The following EYS variants were observed in gnomAD, a reference collection of about 807,000 sequenced individuals.
EYS encodes protein eyes shut homolog.
Under a neutral mutation model 282.1 loss-of-function variants are expected in EYS, and 250 were observed. That is an observed-to-expected ratio of 0.89 (90% CI 0.80 to 0.98). The LOEUF (loss-of-function observed/expected upper bound fraction) is 0.98. Ranked by LOEUF, EYS falls within the 50% of genes least tolerant of loss-of-function variation. EYS has a pLI of 0.00. For synonymous variants in EYS, 1,355 were observed against 1,282.9 expected, an observed-to-expected ratio of 1.06 and a Z score of -1.20; for missense variants, 4,016 against 3,709.0, an observed-to-expected ratio of 1.08 and a Z score of -2.15.
chr6:64,180,806 TA>T (rs2150311506), intron 31 of EYS, among the ~76,000 whole-genome samples: 1 of 152,310 alleles, frequency 6.6e-6, no homozygotes, highest in Admixed American at 6.5e-5. Flanking sequence ...CTTTTGCTTT[TA>T]TTTCAAGATT....
intron 26 of EYS, among the ~76,000 whole-genome samples, chr6:64,498,798 A>G (rs1237401337): frequency 6.6e-6 from 1 of 152,144 alleles, no homozygotes; most frequent in East Asian, 1.9e-4. Flanking sequence ...ACATAAACTC[A>G]TCCTTTTTTA....
intron 36 of EYS, among the ~76,000 whole-genome samples, chr6:63,852,828 A>G (rs1352380812): frequency 6.6e-6 from 1 of 152,206 alleles, no homozygotes; most frequent in Non-Finnish European, 1.5e-5. Flanking sequence ...GTGGTTCTAC[A>G]TATGCAAATC....
At chr6:64,808,369 T>C (rs1764500034) in intron 22 of EYS, among the ~76,000 whole-genome samples, 1 of 152,142 alleles carries the variant, frequency 6.6e-6, no homozygotes, top group Non-Finnish European at 1.5e-5. Flanking sequence ...TTTATAGTTA[T>C]ATAACAGCAA....
At chr6:65,684,189 G>A (rs759810701) in intron 1 of EYS, among the ~76,000 whole-genome samples, 21 of 151,974 alleles carry the variant, frequency 1.4e-4, no homozygotes, top group Non-Finnish European at 2.8e-4. Flanking sequence ...AACCAGGATT[G>A]AAAACAATAG....
At chr6:65,612,775 A>G (rs993429767) in intron 2 of EYS, among the ~76,000 whole-genome samples, 1 of 151,364 alleles carries the variant, frequency 6.6e-6, no homozygotes, top group Non-Finnish European at 1.5e-5. Flanking sequence ...ATAACTTAAA[A>G]AAGCAAGTGA....
At chr6:64,448,444 A>G (rs1775196731) in intron 26 of EYS, among the ~76,000 whole-genome samples, 1 of 152,204 alleles carries the variant, frequency 6.6e-6, no homozygotes. Context: ...GGCACAGACA[A>G]ACAAAAGACA....
chr6:65,523,406 G>A (rs1020743682), intron 2 of EYS, among the ~76,000 whole-genome samples: 3 of 152,176 alleles, frequency 2.0e-5, no homozygotes, highest in Admixed American at 6.5e-5. Context: ...AGGACATTAT[G>A]CTAAGTGAAA....
intron 12 of EYS, among the ~76,000 whole-genome samples, chr6:65,185,037 G>GA (rs200241313): frequency 0.08 from 11,531 of 144,334 alleles, 515 homozygotes; most frequent in African/African-American, 0.12. Context: ...AAAAAAGAAA[G>GA]AAAAAAAAAA....
chr6:63,875,592 G>T (rs748578179), intron 35 of EYS, among the ~76,000 whole-genome samples: 1 of 152,072 alleles, frequency 6.6e-6, no homozygotes, highest in South Asian at 2.1e-4. Context: ...TTGTGATTCC[G>T]TCTGGTCCTG....
chr6:65,472,885 T>C (rs1374013704), intron 5 of EYS, among the ~76,000 whole-genome samples: 1 of 151,996 alleles, frequency 6.6e-6, no homozygotes, highest in East Asian at 1.9e-4. Context: ...TATGCTCTTA[T>C]TTGGTATATC....
At chr6:63,941,032 T>C (rs9359683) in intron 35 of EYS, among the ~76,000 whole-genome samples, 47,981 of 151,902 alleles carry the variant, frequency 0.32, 7,645 homozygotes, top group Admixed American at 0.39. Flanking sequence ...TTTATGGCTG[T>C]ATAGTATTCC....
chr6:64,718,288 G>A (rs1030740131), intron 22 of EYS, among the ~76,000 whole-genome samples: 1 of 152,008 alleles, frequency 6.6e-6, no homozygotes, highest in African/African-American at 2.4e-5. Flanking sequence ...TGATGACATG[G>A]GTTATGAGCC....
At chr6:65,023,761 G>A (rs1160673144) in intron 13 of EYS, among the ~76,000 whole-genome samples, 4 of 152,226 alleles carry the variant, frequency 2.6e-5, no homozygotes, top group Middle Eastern at 3.2e-3. Flanking sequence ...TTACAGGAAA[G>A]TATGCACGTG....
At chr6:64,920,433 G>T (rs1015526665) in intron 15 of EYS, among the ~76,000 whole-genome samples, 2 of 151,988 alleles carry the variant, frequency 1.3e-5, no homozygotes, top group African/African-American at 4.8e-5. Flanking sequence ...CCTTAATGGT[G>T]TGTGTGTGTA....
chr6:63,972,020 G>T (rs955250467), intron 35 of EYS, among the ~76,000 whole-genome samples: 1 of 152,102 alleles, frequency 6.6e-6, no homozygotes. Flanking sequence ...TTCACTTGTT[G>T]GGCCTTGTTT....
intron 12 of EYS, among the ~76,000 whole-genome samples, chr6:65,085,458 A>G (rs997933712): frequency 6.6e-6 from 1 of 152,190 alleles, no homozygotes; most frequent in Non-Finnish European, 1.5e-5. Context: ...GAAATGAACC[A>G]TCACTGTGCT....
intron 12 of EYS, among the ~76,000 whole-genome samples, chr6:65,111,744 G>C (rs191910699): frequency 6.6e-6 from 1 of 152,168 alleles, no homozygotes; most frequent in South Asian, 2.1e-4. Flanking sequence ...CTACTCAGGA[G>C]GCTGAAGCAA....
In EYS at chr6:64,694,160, T is replaced by C. The variant is rs181223285; in HGVS notation, c.3444-67915A>G. Reference sequence around the variant, plus strand: ...GAAAAATAAATCGTTGTTGGGTTTTTTCCCCAAGATGGTGGAATAGAGGCT... The same window carrying C: ...GAAAAATAAATCGTTGTTGGGTTTTCTCCCCAAGATGGTGGAATAGAGGCT... On this transcript the variant is annotated intron_variant, in intron 22 of 42. Transcript: ENST00000503581. Among the ~76,000 whole-genome samples, 311 of 152,318 alleles carry C rather than the reference T, an allele frequency of 2.0e-3. 1 individual carries two copies. The highest frequency in any genetic ancestry group is 3.8e-3 in the Non-Finnish European group (259 of 68,024).
intron 29 of EYS, among the ~76,000 whole-genome samples, chr6:64,339,598 C>G (rs370255746): frequency 2.3e-4 from 35 of 151,850 alleles, no homozygotes; most frequent in African/African-American, 8.2e-4. Context: ...AAAAGTAGAA[C>G]TACCATTTGA....
Sources: allele counts gnomAD v4.1 joint callset (sites outside exome capture counted in the v4.1 genomes callset), GRCh38; gene constraint gnomAD v4.1.1; transcripts MANE v1.5; gene names NCBI Gene and HGNC (gene_info 2026-07-23, HGNC 2026-07-21).